ARHGAP36: variants seen among roughly 807,000 people sequenced by gnomAD.
The protein encoded by ARHGAP36 is Rho GTPase activating protein 36.
Under a neutral mutation model 32.9 loss-of-function variants are expected in ARHGAP36, and 7 were observed. That is an observed-to-expected ratio of 0.21 (90% confidence interval 0.12 to 0.40). The LOEUF (loss-of-function observed/expected upper bound fraction) is 0.40. Among genes scored for constraint, ARHGAP36 ranks in the 10% least tolerant of loss-of-function variants. The probability of loss-of-function intolerance (pLI) is 1.00; values close to 1 mark genes in which losing one functional copy is unlikely to be tolerated. For missense variants in ARHGAP36, 383 were observed against 442.2 expected, an observed-to-expected ratio of 0.87 and a Z score of 1.20; for synonymous variants, 165 against 168.3, an observed-to-expected ratio of 0.98 and a Z score of 0.15.
intron 1 of ARHGAP36, among the ~76,000 whole-genome samples, chrX:131,064,946 A>G (rs1434206252): frequency 9.0e-6 from 1 of 111,509 alleles, no homozygotes; most frequent in Non-Finnish European, 1.9e-5. Context: ...AATTCCCCAT[A>G]TAATCTTCAT....
Position 131,083,268 on chromosome X carries a change from G to T in ARHGAP36, c.319+38G>T, listed in dbSNP as rs768242659. The T allele has an allele frequency of 7.7e-6, 9 of 1,164,256 alleles. No individual in the cohort carries two copies. The South Asian group carries it at 1.7e-4, about 22-fold the overall frequency. On this transcript the variant is annotated intron_variant, in intron 3 of 11. Transcript: ENST00000276211. The stretch of plus-strand genomic sequence containing the variant: ...TTGTATTTTCTTTAGAAAAGAAATA[G>T]AATGCTAACCCCCTGTGTAGTGTGG...
At chrX:131,069,889 T>C (rs2079724111) in intron 1 of ARHGAP36, among the ~76,000 whole-genome samples, 1 of 112,244 alleles carries the variant, frequency 8.9e-6, no homozygotes, top group African/African-American at 3.2e-5. Context: ...TGAGCACTCC[T>C]TGGGTGCCAG....
intron 1 of ARHGAP36, among the ~76,000 whole-genome samples, chrX:131,075,896 T>C (rs1450293504): frequency 1.8e-5 from 2 of 111,392 alleles, no homozygotes; most frequent in Admixed American, 9.5e-5. Context: ...TATTCCTCCA[T>C]GGCATTTTTG....
intron 2 of ARHGAP36, among the ~76,000 whole-genome samples, chrX:131,082,351 G>A (rs1038240501): frequency 3.6e-5 from 4 of 112,613 alleles, no homozygotes; most frequent in Non-Finnish European, 7.5e-5. Flanking sequence ...GTGCGTGAGA[G>A]AGAGACGCTC....
At chrX:131,083,104 G>A (rs1392192800) in intron 2 of ARHGAP36, 61 bp from the exon 3 acceptor site, 23 of 1,111,617 alleles carry the variant, frequency 2.1e-5, no homozygotes, top group Non-Finnish European at 2.7e-5. Context: ...GCATTGGGAT[G>A]TTTTAGTCAC....
chrX:131,075,560 A>AAT (rs1463336981), intron 1 of ARHGAP36, among the ~76,000 whole-genome samples: 1 of 106,685 alleles, frequency 9.4e-6, no homozygotes, highest in Non-Finnish European at 1.9e-5. Flanking sequence ...TCTTCCTGTA[A>AAT]ATATATATAT....
intron 1 of ARHGAP36, among the ~76,000 whole-genome samples, chrX:131,064,423 GT>G (rs1257307170): frequency 8.9e-6 from 1 of 111,870 alleles, no homozygotes; most frequent in African/African-American, 3.2e-5. Context: ...AGTTTAGTCA[GT>G]TGGCTCCACT....
chrX:131,085,818 GGAGA>G, intron 8 of ARHGAP36, 82 bp downstream of exon 8: 1 of 1,178,718 alleles, frequency 8.5e-7, no homozygotes, highest in Non-Finnish European at 1.1e-6. Flanking sequence ...TGGATGGAGA[GGAGA>G]GAGAGAAACA....
At chrX:131,087,163 C>G (rs2079839894) in intron 11 of ARHGAP36, among the ~76,000 whole-genome samples, 1 of 111,558 alleles carries the variant, frequency 9.0e-6, no homozygotes, top group Non-Finnish European at 1.9e-5. Flanking sequence ...AAATCTTAAC[C>G]TTGCAGAAGC....
At chrX:131,080,886 TA>T (rs1715196751) in intron 1 of ARHGAP36, among the ~76,000 whole-genome samples, 1 of 112,166 alleles carries the variant, frequency 8.9e-6, no homozygotes, top group African/African-American at 3.2e-5. Flanking sequence ...CTTTTATTTT[TA>T]TGCATGTTTT....
At chrX:131,084,599 T>C in intron 5 of ARHGAP36, 27 bp from the exon 6 acceptor site, 1 of 1,209,767 alleles carries the variant, frequency 8.3e-7, no homozygotes, top group Non-Finnish European at 1.1e-6. Flanking sequence ...TCAGAGATGC[T>C]TAGCATCCCC....
intron 1 of ARHGAP36, among the ~76,000 whole-genome samples, chrX:131,063,904 A>G (rs1389356089): frequency 9.0e-6 from 1 of 111,654 alleles, no homozygotes; most frequent in Non-Finnish European, 1.9e-5. Context: ...TTTTCCTTTC[A>G]TTGGGAACAT....
chrX:131,065,349 G>T (rs1240983819), intron 1 of ARHGAP36, among the ~76,000 whole-genome samples: 1 of 111,661 alleles, frequency 9.0e-6, no homozygotes, highest in Non-Finnish European at 1.9e-5. Context: ...ACAGGATTTA[G>T]ATGGGTAGTC....
intron 1 of ARHGAP36, among the ~76,000 whole-genome samples, chrX:131,081,132 T>C (rs959546785): frequency 2.7e-5 from 3 of 110,353 alleles, no homozygotes; most frequent in Non-Finnish European, 5.7e-5. Context: ...TAGGATAGAT[T>C]CCTAGAAGGG....
chrX:131,058,384 G>A lies in ARHGAP36; in HGVS notation c.-203G>A. On this transcript the variant is annotated 5_prime_UTR_variant, in exon 1 of 12. Transcript: ENST00000276211. ...GCGAGCTGCCGGGCACTCAGCGCGG[G>A]TCATGGCGTGGATACTGGACTGCCT... is the stretch of plus-strand genomic sequence containing the variant. 1 of 1,126,310 alleles carries A rather than the reference G, an allele frequency of 8.9e-7. No individual in the cohort carries two copies. The highest frequency in any genetic ancestry group is 1.2e-6 in the Non-Finnish European group (1 of 853,031). 92.8% of individuals were successfully genotyped at this position (1,126,310 alleles called of 1,213,427 possible). A position where few individuals can be genotyped will look rare whatever the true frequency, so the allele number is the denominator to read the frequency against.
intron 1 of ARHGAP36, among the ~76,000 whole-genome samples, chrX:131,075,193 C>G (rs912633462): frequency 1.8e-5 from 2 of 112,168 alleles, no homozygotes; most frequent in African/African-American, 6.5e-5. Context: ...GAAATGTACC[C>G]TTTGGAGAAC....
intron 1 of ARHGAP36, among the ~76,000 whole-genome samples, chrX:131,065,400 G>T (rs751303203): frequency 1.8e-5 from 2 of 111,525 alleles, no homozygotes; most frequent in South Asian, 7.6e-4. Context: ...TGTGTGTGCT[G>T]GTGTTGAGAA....
At chrX:131,077,287 C>G (rs1221516038) in intron 1 of ARHGAP36, among the ~76,000 whole-genome samples, 1 of 112,212 alleles carries the variant, frequency 8.9e-6, no homozygotes, top group Non-Finnish European at 1.9e-5. Flanking sequence ...TCTGGGCACC[C>G]AGCCCCATTC....
At chrX:131,070,210 C>G (rs771704212) in intron 1 of ARHGAP36, among the ~76,000 whole-genome samples, 5 of 112,667 alleles carry the variant, frequency 4.4e-5, no homozygotes, top group African/African-American at 1.6e-4. Context: ...TGCTTCACTG[C>G]GGCTGAGGCT....
Sources: gnomAD v4.1 joint callset for allele counts (sites outside exome capture counted in the v4.1 genomes callset) on GRCh38, gnomAD v4.1.1 for gene constraint, MANE v1.5 for transcripts, NCBI Gene and HGNC (gene_info 2026-07-23, HGNC 2026-07-21) for gene names.